TRAK1: variants seen among roughly 807,000 people sequenced by gnomAD.
The protein encoded by TRAK1 is trafficking kinesin-binding protein 1.
Under a neutral mutation model 92.1 loss-of-function variants are expected in TRAK1, and 33 were observed. That is an observed-to-expected ratio of 0.36 (90% CI 0.27 to 0.48). The LOEUF (loss-of-function observed/expected upper bound fraction) is 0.48, where lower values mean the gene tolerates loss of function less well. TRAK1 is among the 20% of genes least tolerant of loss of function. TRAK1 has a pLI of 0.99. For missense variants in TRAK1, 1,123 were observed against 1,257.9 expected, an observed-to-expected ratio of 0.89 and a Z score of 1.62; for synonymous variants, 521 against 517.3, an observed-to-expected ratio of 1.01 and a Z score of -0.10.
chr3:42,041,430 TA>T (rs368925788), intron 1 of TRAK1, among the ~76,000 whole-genome samples: 1 of 152,214 alleles, frequency 6.6e-6, no homozygotes, highest in East Asian at 1.9e-4. Context: ...TGCTAGTGTA[TA>T]AAAATACGAC....
chr3:42,198,358 A>G (rs548887433), intron 10 of TRAK1, among the ~76,000 whole-genome samples: 11 of 152,324 alleles, frequency 7.2e-5, no homozygotes, highest in Non-Finnish European at 1.2e-4. Context: ...AGAGAGAAAC[A>G]TGTGAGCTGT....
At chr3:42,151,823 A>G (rs571218463) in intron 2 of TRAK1, among the ~76,000 whole-genome samples, 2 of 152,342 alleles carry the variant, frequency 1.3e-5, no homozygotes, top group South Asian at 2.1e-4. Context: ...TTGCAACTCA[A>G]TAGACACACA....
At position 42,056,231 on chromosome 3, in the gene TRAK1, C is replaced by T. The variant is rs1450477635; in HGVS notation, c.-518-30873C>T. Among the ~76,000 whole-genome samples the T allele has an allele frequency of 3.3e-5, 5 of 152,104 alleles. No individual in the cohort carries two copies. The East Asian group carries it at 9.6e-4, about 29-fold the overall frequency. ...GGAATTGCTAGATCATGTGGTAACT[C>T]TGTATTTAACATTTTGATAAATTGC... is the stretch of plus-strand genomic sequence containing the variant. On this transcript the variant is annotated intron_variant, in intron 1 of 16. Coordinates refer to the TRAK1 transcript ENST00000487159.
chr3:42,184,547 G>A (rs984813752), intron 3 of TRAK1, 138 bp from the exon 4 acceptor site: 2 of 875,254 alleles, frequency 2.3e-6, no homozygotes, highest in Non-Finnish European at 3.6e-6. Context: ...GGCATCAAAT[G>A]CTAACACAGA....
At chr3:42,092,378 A>G (rs1283601802) in intron 1 of TRAK1, among the ~76,000 whole-genome samples, 1 of 152,214 alleles carries the variant, frequency 6.6e-6, no homozygotes, top group Non-Finnish European at 1.5e-5. Context: ...GCTTTAAAAC[A>G]TGTAAATCTT....
chr3:42,149,190 A>ACGTCACCCTCTAGGCGTCTGG (rs1459008453), intron 2 of TRAK1: 2 of 1,058,886 alleles, frequency 1.9e-6, no homozygotes, highest in Admixed American at 5.4e-5. Flanking sequence ...TGTGTCTCTG[A>ACGTCACCCTCTAGGCGTCTGG]CGTCACCCTC....
At chr3:42,222,834 C>G (rs1577080645) in intron 15 of TRAK1, 108 bp from the exon 16 acceptor site, 2 of 1,179,704 alleles carry the variant, frequency 1.7e-6, no homozygotes, top group Admixed American at 2.1e-5. Flanking sequence ...GGAACCCTCT[C>G]ATCGTGTCCT....
intron 10 of TRAK1, among the ~76,000 whole-genome samples, chr3:42,198,470 T>G (rs1707064099): frequency 6.6e-6 from 1 of 152,124 alleles, no homozygotes. Flanking sequence ...GGCAGGTTGT[T>G]TAAAGGTGGG....
chr3:42,041,784 T>G (rs1199671614), intron 1 of TRAK1, among the ~76,000 whole-genome samples: 1 of 131,882 alleles, frequency 7.6e-6, no homozygotes, highest in African/African-American at 3.4e-5. Flanking sequence ...CTATTTCTAT[T>G]GTTTTTTTTT....
At position 42,202,135 on chromosome 3, in the gene TRAK1, T is replaced by C. The variant is rs1263106149; in HGVS notation, c.1428-301T>C. Among the ~76,000 whole-genome samples the C allele has an allele frequency of 6.6e-6, 1 of 152,142 alleles. No individual in the cohort carries two copies. The highest frequency in any genetic ancestry group is 2.4e-5 in the African/African-American group (1 of 41,412). On this transcript the variant is annotated intron_variant, in intron 12 of 15. Transcript: ENST00000327628. The surrounding 1 kb of genome is among the most constrained non-coding windows in gnomAD (Gnocchi z 6.1). ...AGCCAGGAACAGCAACCTACAGGTT[T>C]CTTCCTAAAGGTTCTTCAGGGAGAT... is the stretch of plus-strand genomic sequence containing the variant.
At chr3:42,084,615 T>C (rs1346585064), upstream of TRAK1, among the ~76,000 whole-genome samples, 1 of 152,110 alleles carries the variant, frequency 6.6e-6, no homozygotes, top group Non-Finnish European at 1.5e-5. Context: ...CTTCAGCCGG[T>C]GAATTCCCAT....
intron 9 of TRAK1, 125 bp from the exon 10 acceptor site, chr3:42,194,679 G>A (rs1403755791): frequency 7.7e-6 from 9 of 1,163,944 alleles, no homozygotes; most frequent in East Asian, 5.1e-5. Context: ...GGCGCACAGG[G>A]CAGCTGGTTC....
At chr3:42,167,680 A>G (rs146408967) in intron 2 of TRAK1, among the ~76,000 whole-genome samples, 2,906 of 152,278 alleles carry the variant, frequency 0.019, 103 homozygotes, top group East Asian at 0.15. Flanking sequence ...GGAGATCGAG[A>G]CCATCCTGGC....
At chr3:42,072,282 G>A (rs1703965020) in intron 1 of TRAK1, among the ~76,000 whole-genome samples, 1 of 152,088 alleles carries the variant, frequency 6.6e-6, no homozygotes, top group South Asian at 2.1e-4. Flanking sequence ...AGTTTTGAAT[G>A]TCTGACTCAG....
intron 1 of TRAK1, among the ~76,000 whole-genome samples, chr3:42,105,647 C>G (rs1707433121): frequency 6.6e-6 from 1 of 152,118 alleles, no homozygotes; most frequent in South Asian, 2.1e-4. Flanking sequence ...GGCCAACATT[C>G]AAATTCAGGA....
At chr3:42,210,630 T>A in intron 14 of TRAK1, 1 of 1,010,568 alleles carries the variant, frequency 9.9e-7, no homozygotes, top group Non-Finnish European at 1.2e-6. Context: ...CAGGAAAGGC[T>A]CAGGATTTCA....
At chr3:42,075,340 CAAA>C (rs60881113) in intron 1 of TRAK1, among the ~76,000 whole-genome samples, 18 of 71,072 alleles carry the variant, frequency 2.5e-4, no homozygotes, top group Admixed American at 5.5e-4. Context: ...GACTCAGTCT[CAAA>C]AAAAAAAAAA....
At chr3:42,069,369 T>A (rs370945596) in intron 1 of TRAK1, among the ~76,000 whole-genome samples, 56 of 149,580 alleles carry the variant, frequency 3.7e-4, no homozygotes, top group African/African-American at 1.2e-3. Flanking sequence ...GATGGTGCAG[T>A]GGTGCTAAGC....
chr3:42,202,487 C>A lies in TRAK1; in HGVS notation c.1479C>A (p.His493Gln). 4 of 1,502,244 alleles carry A rather than the reference C, an allele frequency of 2.7e-6. No individual in the cohort carries two copies. In the South Asian group the frequency reaches 5.5e-5, roughly 21 times the overall value. The allele number at this position is 1,502,244 out of a possible 1,614,324, so 93.1% of individuals were successfully genotyped here. A position where few individuals can be genotyped will look rare whatever the true frequency, so the allele number is the denominator to read the frequency against. The change falls in exon 13 of 16, where the codon CAC becomes CAA. Residue 493 changes from histidine to glutamine, a missense_variant. This residue lies in a region of TRAK1 where 686 missense variants were observed against 747.6 expected (regional missense o/e 0.92). Coordinates refer to ENST00000327628, the MANE Select transcript of TRAK1 (RefSeq NM_001042646.3). The surrounding 1 kb of genome is among the most constrained non-coding windows in gnomAD (Gnocchi z 6.1). ...KPGTPGTPGS[H>Q]DLETALRRLS... ...GGACGCCGGGCACCCCAGGCTCCCA[C>A]GACCTGGAGACGGCGCTGAGGCGGC... is the stretch of plus-strand genomic sequence containing the variant.
Sources: gnomAD v4.1 joint callset for allele counts (sites outside exome capture counted in the v4.1 genomes callset) on GRCh38, gnomAD v4.1.1 for gene constraint, gnomAD v4.1.1 regional missense constraint, Gnocchi (gnomAD v3.1) non-coding constraint, MANE v1.5 for transcripts, NCBI Gene and HGNC (gene_info 2026-07-23, HGNC 2026-07-21) for gene names.